CHSY3: variants seen among roughly 807,000 people sequenced by gnomAD.
The protein encoded by CHSY3 is N-acetylgalactosaminyl-proteoglycan 3-beta-glucuronosyltransferase 3.
In CHSY3, 35 loss-of-function variants were observed where a neutral mutation model predicts 67.2. That is an observed-to-expected ratio of 0.52 (90% CI 0.40 to 0.69). The LOEUF (loss-of-function observed/expected upper bound fraction) is 0.69, where lower values mean the gene tolerates loss of function less well. Among genes scored for constraint, CHSY3 ranks in the 30% least tolerant of loss-of-function variants. CHSY3 has a pLI of 0.00. For synonymous variants in CHSY3, 474 were observed against 434.7 expected, an observed-to-expected ratio of 1.09 and a Z score of -1.12; for missense variants, 1,069 against 1,138.5, an observed-to-expected ratio of 0.94 and a Z score of 0.88.
chr5:130,009,470 C>G (rs1763982988), intron 2 of CHSY3, among the ~76,000 whole-genome samples: 1 of 150,510 alleles, frequency 6.6e-6, no homozygotes, highest in Non-Finnish European at 1.5e-5. Context: ...TAAAGGAGTG[C>G]TAGACATGAA....
At chr5:130,100,119 G>C (rs146422482) in intron 2 of CHSY3, among the ~76,000 whole-genome samples, 1 of 152,168 alleles carries the variant, frequency 6.6e-6, no homozygotes. Flanking sequence ...CAGAGATAAG[G>C]TATGGGAATA....
chr5:130,150,394 A>G (rs1456345084), intron 2 of CHSY3, among the ~76,000 whole-genome samples: 1 of 152,178 alleles, frequency 6.6e-6, no homozygotes, highest in Admixed American at 6.6e-5. Context: ...ATTAATTTAT[A>G]AAATAAATAA....
At chr5:129,957,309 T>A (rs1303888500) in intron 2 of CHSY3, among the ~76,000 whole-genome samples, 2 of 152,174 alleles carry the variant, frequency 1.3e-5, no homozygotes, top group Non-Finnish European at 2.9e-5. Flanking sequence ...TTTTGTATGT[T>A]GATTTTGTAT....
chr5:130,100,043 C>T (rs570771719), intron 2 of CHSY3, among the ~76,000 whole-genome samples: 1 of 151,818 alleles, frequency 6.6e-6, no homozygotes, highest in South Asian at 2.1e-4. Flanking sequence ...AAAATAGATA[C>T]TGTATTTTGG....
chr5:130,033,577 C>T (rs1764764114), intron 2 of CHSY3, among the ~76,000 whole-genome samples: 1 of 152,162 alleles, frequency 6.6e-6, no homozygotes, highest in African/African-American at 2.4e-5. Flanking sequence ...TTGGAAGACA[C>T]TCCCAGGAAC....
chr5:130,066,646 T>C (rs1765893406), intron 2 of CHSY3, among the ~76,000 whole-genome samples: 1 of 152,172 alleles, frequency 6.6e-6, no homozygotes, highest in Admixed American at 6.6e-5. Flanking sequence ...CCTATCTCTA[T>C]TGTTATTACT....
chr5:130,133,469 CAAGAT>C (rs1451530081), intron 2 of CHSY3, among the ~76,000 whole-genome samples: 2 of 151,928 alleles, frequency 1.3e-5, no homozygotes, highest in Non-Finnish European at 2.9e-5. Flanking sequence ...GGTTAAGCAT[CAAGAT>C]AAGTTTACAA....
At chr5:129,951,732 A>G (rs1397208394) in intron 2 of CHSY3, among the ~76,000 whole-genome samples, 1 of 152,184 alleles carries the variant, frequency 6.6e-6, no homozygotes, top group East Asian at 1.9e-4. Flanking sequence ...AGCGGTCTAA[A>G]CCATTGGCCA....
chr5:129,964,637 T>A (rs1762422943), intron 2 of CHSY3, among the ~76,000 whole-genome samples: 1 of 151,816 alleles, frequency 6.6e-6, no homozygotes, highest in South Asian at 2.1e-4. Context: ...AGTCTGGGAT[T>A]GAATTATTCA....
At chr5:129,910,908 A>T (rs1282754314) in intron 2 of CHSY3, among the ~76,000 whole-genome samples, 1 of 151,888 alleles carries the variant, frequency 6.6e-6, no homozygotes, top group Non-Finnish European at 1.5e-5. Context: ...GTTCTTTTAA[A>T]AGCACTATCT....
chr5:130,019,989 G>A (rs1054236909), intron 2 of CHSY3, among the ~76,000 whole-genome samples: 3 of 152,122 alleles, frequency 2.0e-5, no homozygotes, highest in African/African-American at 4.8e-5. Context: ...AATTAGCTTT[G>A]TACTGAGGAA....
At chr5:130,177,514 G>A (rs758178287) in intron 2 of CHSY3, among the ~76,000 whole-genome samples, 7 of 151,974 alleles carry the variant, frequency 4.6e-5, no homozygotes, top group Non-Finnish European at 1.0e-4. Context: ...ACACTTCATT[G>A]ATATCTTGTT....
At chr5:130,137,091 T>TA (rs1268313946) in intron 2 of CHSY3, among the ~76,000 whole-genome samples, 2 of 152,106 alleles carry the variant, frequency 1.3e-5, no homozygotes, top group African/African-American at 2.4e-5. Flanking sequence ...GAGCTAAGAA[T>TA]AAAAAAATCA....
chr5:129,910,153 T>C (rs1760485501), intron 2 of CHSY3, among the ~76,000 whole-genome samples: 1 of 152,018 alleles, frequency 6.6e-6, no homozygotes, highest in African/African-American at 2.4e-5. Context: ...ATGTGCACCC[T>C]GTCTATTAGA....
chr5:130,147,639 G>T (rs543114316), intron 2 of CHSY3, among the ~76,000 whole-genome samples: 36 of 152,204 alleles, frequency 2.4e-4, no homozygotes, highest in African/African-American at 8.4e-4. Flanking sequence ...ATTCTGTAGG[G>T]TATAGAGGAA....
chr5:130,145,139 C>T (rs901279808), intron 2 of CHSY3, among the ~76,000 whole-genome samples: 3 of 152,154 alleles, frequency 2.0e-5, no homozygotes, highest in Admixed American at 6.5e-5. Context: ...AGTCACCTCC[C>T]ACCAGCCTCC....
intron 2 of CHSY3, among the ~76,000 whole-genome samples, chr5:130,134,072 T>C (rs1768580591): frequency 1.3e-5 from 2 of 152,222 alleles, no homozygotes; most frequent in Admixed American, 6.5e-5. Flanking sequence ...CCTGGTGAGA[T>C]ATGTTTGCCT....
At position 129,905,133 on chromosome 5, in the gene CHSY3, C is replaced by G; in HGVS notation, c.304C>G (p.Pro102Ala). The G allele has an allele frequency of 1.3e-6, 2 of 1,534,550 alleles. No homozygotes were observed. The highest frequency in any genetic ancestry group is 1.2e-5 in the South Asian group (1 of 83,556). Residue 102 changes from proline (P) to alanine (A), a missense_variant, in exon 1 of 3, where the codon CCC (proline) becomes GCC (alanine). Physicochemically the swap from Pro to Ala is conservative, Grantham distance 27 (BLOSUM62 -1). Coordinates refer to ENST00000305031, the MANE Select transcript of CHSY3 (RefSeq NM_175856.5). ...CGGGATCACCAGTTTTCGAAGCAGC[C>G]CCTGGCAGCAGCCACCTCCGCTGCA... ...APGITSFRSS[P>A]WQQPPPLQQR...
chr5:130,148,742 G>GT lies in CHSY3; in HGVS notation c.1087-35481dup, dbSNP rs1364259019. Among the ~76,000 whole-genome samples the GT allele has an allele frequency of 2.6e-5, 4 of 152,198 alleles. No homozygotes were observed. The East Asian group carries it at 7.7e-4, about 29-fold the overall frequency. On this transcript the variant is annotated intron_variant, in intron 2 of 2. Coordinates refer to ENST00000305031, the MANE Select transcript of CHSY3 (RefSeq NM_175856.5). ...TGTTCTTTGCCCGCTTTTTAATGGG[G>GT]TTTTTTGTTTTTTTATTGTAAATTT...
Sources: allele counts gnomAD v4.1 joint callset (sites outside exome capture counted in the v4.1 genomes callset), GRCh38; gene constraint gnomAD v4.1.1; transcripts MANE v1.5; gene names NCBI Gene and HGNC (gene_info 2026-07-23, HGNC 2026-07-21).